EGFLAM: variants seen among roughly 807,000 people sequenced by gnomAD.
The protein encoded by EGFLAM is EGF like, fibronectin type III and laminin G domains, also known as pikachurin.
In EGFLAM, 79 loss-of-function variants were observed where a neutral mutation model predicts 113.1. The observed-to-expected ratio is 0.70, with a 90% CI of 0.58 to 0.84. The LOEUF (loss-of-function observed/expected upper bound fraction) is 0.84. Among genes scored for constraint, EGFLAM ranks in the 40% least tolerant of loss-of-function variants. The probability of loss-of-function intolerance (pLI) is 0.00; values close to 1 mark genes in which losing one functional copy is unlikely to be tolerated. For synonymous variants in EGFLAM, 504 were observed against 487.6 expected, an observed-to-expected ratio of 1.03 and a Z score of -0.44; for missense variants, 1,265 against 1,291.6, an observed-to-expected ratio of 0.98 and a Z score of 0.32.
chr5:38,406,421 G>T (rs1741286534), intron 7 of EGFLAM, among the ~76,000 whole-genome samples, 180 bp downstream of exon 7: 1 of 152,180 alleles, frequency 6.6e-6, no homozygotes, highest in Admixed American at 6.5e-5. Flanking sequence ...TAGTAGGGAA[G>T]TACTAGCCAT....
rs548548333 is a variant in EGFLAM, at chr5:38,412,138, G to T, written c.1350-366G>T. On this transcript the variant is annotated intron_variant, in intron 10 of 21. Transcript: ENST00000322350. ...GATTTTAAATACAGGGGGTACATGT[G>T]CAGATTTGCTATGTGGGAATAGTGA... Among the ~76,000 whole-genome samples, 153 of 152,284 alleles carry T rather than the reference G, an allele frequency of 1.0e-3. 1 individual carries two copies. The highest frequency in any genetic ancestry group is 2.8e-3 in the Admixed American group (43 of 15,300).
At chr5:38,280,151 G>A (rs1194338630) in intron 1 of EGFLAM, among the ~76,000 whole-genome samples, 2 of 152,156 alleles carry the variant, frequency 1.3e-5, no homozygotes, top group Admixed American at 6.5e-5. Flanking sequence ...TTACTTTTCT[G>A]TATGCTTGAA....
chr5:38,297,103 C>G (rs1254863962), intron 1 of EGFLAM, among the ~76,000 whole-genome samples: 2 of 152,074 alleles, frequency 1.3e-5, no homozygotes, highest in African/African-American at 4.8e-5. Context: ...AATATGAGAT[C>G]CTGATTGGAT....
chr5:38,447,756 CAA>C (rs540815959), intron 17 of EGFLAM, among the ~76,000 whole-genome samples: 172 of 69,392 alleles, frequency 2.5e-3, no homozygotes, highest in Middle Eastern at 9.6e-3. Context: ...AACTTTGTTT[CAA>C]AAAAAAAAAA....
intron 17 of EGFLAM, among the ~76,000 whole-genome samples, chr5:38,441,078 G>C (rs988682939): frequency 2.6e-5 from 4 of 152,162 alleles, no homozygotes; most frequent in African/African-American, 7.2e-5. Flanking sequence ...GGGGTTGGGG[G>C]CAGGAGCAAG....
chr5:38,408,763 G>A (rs1308012248), intron 9 of EGFLAM, among the ~76,000 whole-genome samples: 1 of 152,248 alleles, frequency 6.6e-6, no homozygotes, highest in Non-Finnish European at 1.5e-5. Context: ...GCGGGTCAAA[G>A]ATGGGGTCAC....
At chr5:38,283,300 T>C (rs926039987) in intron 1 of EGFLAM, among the ~76,000 whole-genome samples, 11 of 152,274 alleles carry the variant, frequency 7.2e-5, no homozygotes, top group Non-Finnish European at 1.5e-4. Context: ...AAAAGCTTTA[T>C]TCATTTGTGC....
At chr5:38,391,937 C>T (rs570952551) in intron 6 of EGFLAM, among the ~76,000 whole-genome samples, 6 of 144,642 alleles carry the variant, frequency 4.1e-5, no homozygotes, top group East Asian at 2.0e-4. Context: ...CCACCACACT[C>T]GGCTAATTTT....
chr5:38,274,503 C>A (rs1035946822), intron 1 of EGFLAM, among the ~76,000 whole-genome samples: 1 of 152,008 alleles, frequency 6.6e-6, no homozygotes. Flanking sequence ...TGCCTAACAG[C>A]AGACTTCTCA....
At chr5:38,416,573 C>T (rs924099131) in intron 11 of EGFLAM, among the ~76,000 whole-genome samples, 3 of 152,160 alleles carry the variant, frequency 2.0e-5, no homozygotes, top group African/African-American at 7.2e-5. Flanking sequence ...AAGACTGTTG[C>T]CCGGGATCTT....
chr5:38,289,826 A>G (rs1758268124), intron 1 of EGFLAM, among the ~76,000 whole-genome samples: 1 of 152,214 alleles, frequency 6.6e-6, no homozygotes, highest in Non-Finnish European at 1.5e-5. Context: ...TCCTCTAAGG[A>G]AGGCCACGGT....
At chr5:38,454,261 G>A (rs371261403) in intron 19 of EGFLAM, among the ~76,000 whole-genome samples, 2 of 152,172 alleles carry the variant, frequency 1.3e-5, no homozygotes, top group East Asian at 1.9e-4. Context: ...GGTGGGCACC[G>A]GGTCTGATTA....
intron 1 of EGFLAM, among the ~76,000 whole-genome samples, chr5:38,259,326 T>A (rs564123240): frequency 6.6e-6 from 1 of 152,366 alleles, no homozygotes; most frequent in African/African-American, 2.4e-5. Flanking sequence ...TGCAGGGATG[T>A]GGACTCTGCT....
chr5:38,396,027 A>G (rs1473146769), intron 6 of EGFLAM, among the ~76,000 whole-genome samples: 1 of 102,456 alleles, frequency 9.8e-6, no homozygotes, highest in East Asian at 2.2e-4. Context: ...CCTTCAAGCT[A>G]GAGTTGTTGT....
chr5:38,439,032 T>C (rs1023984796), intron 17 of EGFLAM, among the ~76,000 whole-genome samples: 1 of 152,250 alleles, frequency 6.6e-6, no homozygotes, highest in Non-Finnish European at 1.5e-5. Flanking sequence ...AGCAGTATTA[T>C]TGTGTGTCTA....
intron 1 of EGFLAM, among the ~76,000 whole-genome samples, chr5:38,302,236 CAAA>C (rs35820077): frequency 5.0e-5 from 5 of 100,748 alleles, no homozygotes; most frequent in Non-Finnish European, 4.3e-5. Context: ...AAGTCCATCT[CAAA>C]AAAAAAAAAA....
Position 38,399,640 on chromosome 5 carries a change from A to G in EGFLAM, c.713-6486A>G, listed in dbSNP as rs558526202. Among the ~76,000 whole-genome samples the G allele has an allele frequency of 8.5e-5, 13 of 152,242 alleles. No homozygotes were observed. The East Asian group carries it at 1.7e-3, about 20-fold the overall frequency. ...AAATGTGGACCTACTGCTTCCACTTAGCAGCCAAGTCACTGTCCCCACCTC... is the reference window on the plus strand; with the variant it reads ...AAATGTGGACCTACTGCTTCCACTTGGCAGCCAAGTCACTGTCCCCACCTC... On this transcript the variant is annotated intron_variant, in intron 6 of 21. Transcript: ENST00000322350.
chr5:38,314,135 A>G (rs1442048114), intron 1 of EGFLAM, among the ~76,000 whole-genome samples: 4 of 152,192 alleles, frequency 2.6e-5, no homozygotes, highest in African/African-American at 9.7e-5. Flanking sequence ...TAATTCTTTA[A>G]TCCATTTGGA....
At chr5:38,415,832 T>G (rs188188450) in intron 11 of EGFLAM, among the ~76,000 whole-genome samples, 1 of 152,170 alleles carries the variant, frequency 6.6e-6, no homozygotes, top group East Asian at 1.9e-4. Context: ...AACACGTCCT[T>G]CTTTATGTGG....
Sources: allele counts gnomAD v4.1 joint callset (sites outside exome capture counted in the v4.1 genomes callset), GRCh38; gene constraint gnomAD v4.1.1; transcripts MANE v1.5; gene names NCBI Gene and HGNC (gene_info 2026-07-23, HGNC 2026-07-21).